Variants in KCNJ10 observed in about 807,000 individuals in gnomAD.
KCNJ10 encodes the protein ATP-sensitive inward rectifier potassium channel 10.
In KCNJ10, 9 loss-of-function variants were observed where a neutral mutation model predicts 22.2. The observed-to-expected ratio is 0.40, with a 90% CI of 0.24 to 0.71. The LOEUF is 0.71. Among genes scored for constraint, KCNJ10 ranks in the 30% least tolerant of loss-of-function variants. KCNJ10 has a pLI of 0.35. For synonymous variants in KCNJ10, 184 were observed against 187.3 expected, an observed-to-expected ratio of 0.98 and a Z score of 0.15; for missense variants, 337 against 482.7, an observed-to-expected ratio of 0.70 and a Z score of 2.83.
intron 1 of KCNJ10, among the ~76,000 whole-genome samples, chr1:160,051,572 C>A (rs1340088034): frequency 2.0e-5 from 3 of 151,930 alleles, no homozygotes; most frequent in East Asian, 3.9e-4. Flanking sequence ...CTTCACTGAG[C>A]AAACTCAACA....
chr1:160,042,573 A>T (rs1403151365), intron 1 of KCNJ10, 41 bp from the exon 2 acceptor site: 1 of 1,577,540 alleles, frequency 6.3e-7, no homozygotes. Flanking sequence ...TATCGTAGAA[A>T]TCCAGCTGAC....
chr1:160,047,897 T>C (rs1648784958), intron 1 of KCNJ10, among the ~76,000 whole-genome samples: 1 of 152,154 alleles, frequency 6.6e-6, no homozygotes, highest in Non-Finnish European at 1.5e-5. Context: ...TGTGCCACCA[T>C]GCCCAGCTAA....
chr1:160,042,618 C>T (rs910223922), intron 1 of KCNJ10, 86 bp from the exon 2 acceptor site: 14 of 1,155,832 alleles, frequency 1.2e-5, no homozygotes, highest in Non-Finnish European at 1.8e-5. Flanking sequence ...GAGGAATTAA[C>T]ATTCATTTGA....
chr1:160,067,273 G>A (rs1649343202), intron 1 of KCNJ10, among the ~76,000 whole-genome samples: 2 of 152,146 alleles, frequency 1.3e-5, no homozygotes, highest in South Asian at 4.1e-4. Flanking sequence ...GGTTCTGATG[G>A]GGGAGGGGAG....
At chr1:160,063,251 G>A (rs966684367) in intron 1 of KCNJ10, among the ~76,000 whole-genome samples, 3 of 152,226 alleles carry the variant, frequency 2.0e-5, no homozygotes, top group African/African-American at 4.8e-5. Flanking sequence ...CAAAGGGCAG[G>A]GCCAGAAGGC....
chr1:160,059,215 C>T (rs1649124370), intron 1 of KCNJ10, among the ~76,000 whole-genome samples: 3 of 152,212 alleles, frequency 2.0e-5, no homozygotes, highest in Non-Finnish European at 4.4e-5. Flanking sequence ...TGCTTAAAGT[C>T]TGGGCTTCTC....
intron 1 of KCNJ10, among the ~76,000 whole-genome samples, chr1:160,065,584 G>A (rs1346960536): frequency 6.6e-6 from 1 of 152,172 alleles, no homozygotes; most frequent in African/African-American, 2.4e-5. Flanking sequence ...TGCGGGAGGG[G>A]TGAGACTTGG....
intron 1 of KCNJ10, among the ~76,000 whole-genome samples, chr1:160,064,295 A>G (rs1649264830): frequency 1.3e-5 from 2 of 152,138 alleles, no homozygotes; most frequent in Non-Finnish European, 2.9e-5. Flanking sequence ...TGCCCTTTTC[A>G]CTTTCATTAT....
intron 1 of KCNJ10, among the ~76,000 whole-genome samples, chr1:160,067,643 GGAGAGTGGAGGT>G (rs1324658255): frequency 6.6e-6 from 1 of 152,272 alleles, no homozygotes; most frequent in East Asian, 1.9e-4. Context: ...AGGAGGGGAG[GGAGAGTGGAGGT>G]TTTTTTCTTC....
chr1:160,068,453 A>C (rs894308375), intron 1 of KCNJ10, among the ~76,000 whole-genome samples: 2 of 151,962 alleles, frequency 1.3e-5, no homozygotes, highest in Non-Finnish European at 2.9e-5. Context: ...ATCACCCCCC[A>C]ACACCCTCTC....
At chr1:160,065,718 G>A (rs933874203) in intron 1 of KCNJ10, among the ~76,000 whole-genome samples, 13 of 152,312 alleles carry the variant, frequency 8.5e-5, no homozygotes, top group Non-Finnish European at 4.4e-5. Flanking sequence ...GAGGGGATGG[G>A]AGAAAGGCAT....
intron 1 of KCNJ10, among the ~76,000 whole-genome samples, chr1:160,060,995 T>C (rs562279087): frequency 6.6e-6 from 1 of 152,262 alleles, no homozygotes; most frequent in East Asian, 1.9e-4. Context: ...TCACTCTGCC[T>C]AGGGGTAGTG....
chr1:160,041,341 C>T lies in KCNJ10; in HGVS notation c.*52G>A, dbSNP rs148441646. 9.9e-5 allele frequency: 153 copies of T among 1,547,982 alleles called. No homozygotes were observed. The highest frequency in any genetic ancestry group is 2.3e-4 in the Middle Eastern group (1 of 4,368). On this transcript the variant is annotated 3_prime_UTR_variant, in exon 2 of 2. Coordinates refer to ENST00000644903, the MANE Select transcript of KCNJ10 (RefSeq NM_002241.5). The surrounding 1 kb of genome is among the most constrained non-coding windows in gnomAD (Gnocchi z 4.4). ...ACCCGGGTAGTATTCCTTACCAGGG[C>T]ATTGGAAGAGAGGAAAAGAGACCAG...
At chr1:160,057,062 T>A (rs914140602) in intron 1 of KCNJ10, among the ~76,000 whole-genome samples, 2 of 152,174 alleles carry the variant, frequency 1.3e-5, no homozygotes, top group African/African-American at 4.8e-5. Context: ...CTTCAGTCAA[T>A]CTCTTAATCT....
chr1:160,042,613 A>T (rs909068469), intron 1 of KCNJ10, 81 bp from the exon 2 acceptor site: 12 of 1,194,986 alleles, frequency 1.0e-5, no homozygotes, highest in Non-Finnish European at 1.4e-5. Context: ...GGAGGGAGGA[A>T]TTAACATTCA....
intron 1 of KCNJ10, among the ~76,000 whole-genome samples, chr1:160,066,809 T>C (rs999319447): frequency 2.0e-5 from 3 of 152,154 alleles, no homozygotes; most frequent in African/African-American, 7.2e-5. Flanking sequence ...CTCGGAAGCT[T>C]TAAGGATGGG....
At chr1:160,057,882 T>C (rs956882969) in intron 1 of KCNJ10, among the ~76,000 whole-genome samples, 3 of 151,822 alleles carry the variant, frequency 2.0e-5, no homozygotes, top group Non-Finnish European at 4.4e-5. Context: ...TGGCTGGAAA[T>C]GAGGGGAGGC....
At chr1:160,047,725 T>A (rs1648781491) in intron 1 of KCNJ10, among the ~76,000 whole-genome samples, 2 of 152,108 alleles carry the variant, frequency 1.3e-5, no homozygotes, top group African/African-American at 4.8e-5. Flanking sequence ...TTGTACATAT[T>A]CTCTTTCCCC....
intron 1 of KCNJ10, among the ~76,000 whole-genome samples, chr1:160,065,630 G>T (rs539964964): frequency 6.6e-5 from 10 of 152,168 alleles, no homozygotes; most frequent in Admixed American, 1.3e-4. Context: ...GTGGGGAGGA[G>T]CATGGCTCAG....
Sources: allele counts gnomAD v4.1 joint callset (sites outside exome capture counted in the v4.1 genomes callset), GRCh38; gene constraint gnomAD v4.1.1; non-coding constraint Gnocchi (gnomAD v3.1); transcripts MANE v1.5; gene names NCBI Gene and HGNC (gene_info 2026-07-23, HGNC 2026-07-21).